The following ZDHHC14 variants were observed in gnomAD, a reference collection of about 807,000 sequenced individuals.
ZDHHC14 encodes zDHHC palmitoyltransferase 14.
In ZDHHC14, 16 loss-of-function variants were observed where a neutral mutation model predicts 47.7. The observed-to-expected ratio is 0.34, with a 90% CI of 0.23 to 0.51. The LOEUF (loss-of-function observed/expected upper bound fraction) is 0.51. Ranked by LOEUF, ZDHHC14 falls within the 20% of genes least tolerant of loss-of-function variation. The pLI is 0.97. For synonymous variants in ZDHHC14, 293 were observed against 278.9 expected (o/e 1.05, Z -0.50); for missense variants, 515 against 662.5 (o/e 0.78, Z 2.44).
At chr6:157,649,090 T>C (rs965785127) in intron 7 of ZDHHC14, among the ~76,000 whole-genome samples, 7 of 152,330 alleles carry the variant, frequency 4.6e-5, no homozygotes, top group Middle Eastern at 3.4e-3. Flanking sequence ...GGCTGTATCT[T>C]TTCCAAAATC....
intron 3 of ZDHHC14, among the ~76,000 whole-genome samples, chr6:157,610,020 CAG>C (rs1256575268): frequency 1.3e-5 from 2 of 152,230 alleles, no homozygotes; most frequent in East Asian, 3.8e-4. Flanking sequence ...AAGTTCATCA[CAG>C]AGGGGGCTGC....
At chr6:157,494,046 G>T (rs145801580) in intron 1 of ZDHHC14, among the ~76,000 whole-genome samples, 1 of 152,192 alleles carries the variant, frequency 6.6e-6, no homozygotes, top group Admixed American at 6.5e-5. Flanking sequence ...GGTCCTCCCC[G>T]CAGGAGCCCT....
intron 1 of ZDHHC14, among the ~76,000 whole-genome samples, chr6:157,404,484 C>T (rs1356197441): frequency 1.3e-5 from 2 of 152,192 alleles, no homozygotes; most frequent in Non-Finnish European, 2.9e-5. Context: ...TCAACTAATT[C>T]CTAGGGCCTT....
At position 157,582,241 on chromosome 6, in the gene ZDHHC14, G is replaced by C. The variant is rs1019490219; in HGVS notation, c.407-10747G>C. ...GGGTCATTTCCTATTTACATTCAAA[G>C]TTAGTATTGATATGTGCGGATTTGA... On this transcript the variant is annotated intron_variant, in intron 2 of 8. Coordinates refer to ENST00000359775, the MANE Select transcript of ZDHHC14 (RefSeq NM_024630.3). This position sits in a 1 kb window ranked among gnomAD's most constrained non-coding sequence, Gnocchi z 4.3. Among the ~76,000 whole-genome samples, 2 of 152,176 alleles carry C rather than the reference G, an allele frequency of 1.3e-5. No individual in the cohort carries two copies. Among genetic ancestry groups the C allele is most frequent in the African/African-American group, 4.8e-5 (2 of 41,450 alleles).
At position 157,675,455 on chromosome 6, in the gene ZDHHC14, T is replaced by C. The variant is rs1778954704; in HGVS notation, c.*2333T>C. On this transcript the variant is annotated 3_prime_UTR_variant, in exon 9 of 9. Transcript: ENST00000359775. ...CCTGGCACACACTTGGCATCATTTA[T>C]CCAATAGGGGACTGGGAATTTTGGT... The C allele has an allele frequency of 6.6e-6, 1 of 152,246 alleles. No homozygotes were observed. The highest frequency in any genetic ancestry group is 2.1e-4 in the South Asian group (1 of 4,832). The allele number at this position is 152,246 out of a possible 1,614,324, so 9.4% of individuals were successfully genotyped here.
At chr6:157,504,449 ATTTTTTTTTTT>A (rs35677570) in intron 1 of ZDHHC14, among the ~76,000 whole-genome samples, 2 of 96,498 alleles carry the variant, frequency 2.1e-5, no homozygotes, top group Non-Finnish European at 4.0e-5. Flanking sequence ...CACCCAGCCT[ATTTTTTTTTTT>A]TTTTTTTTTT....
intron 1 of ZDHHC14, among the ~76,000 whole-genome samples, chr6:157,507,813 T>A (rs1780366088): frequency 6.6e-6 from 1 of 152,172 alleles, no homozygotes; most frequent in Non-Finnish European, 1.5e-5. Flanking sequence ...GGAACATCCT[T>A]CCTGTTCCTG....
chr6:157,652,245 C>T (rs1310671285), intron 7 of ZDHHC14, among the ~76,000 whole-genome samples: 1 of 152,172 alleles, frequency 6.6e-6, no homozygotes, highest in Non-Finnish European at 1.5e-5. Context: ...CACTTGAAGA[C>T]CTGAAGGCAG....
At chr6:157,647,609 TAG>T (rs796793898) in intron 7 of ZDHHC14, among the ~76,000 whole-genome samples, 1 of 152,118 alleles carries the variant, frequency 6.6e-6, no homozygotes, top group African/African-American at 2.4e-5. Context: ...AAGCCCAAAA[TAG>T]AGAGACAGAT....
chr6:157,452,692 T>TG (rs1778830194), intron 1 of ZDHHC14, among the ~76,000 whole-genome samples: 1 of 37,792 alleles, frequency 2.6e-5, no homozygotes, highest in African/African-American at 8.3e-5. Context: ...ACATGGGGAT[T>TG]TTTTTTTTTT....
intron 1 of ZDHHC14, among the ~76,000 whole-genome samples, chr6:157,430,311 TAAA>T (rs67359917): frequency 1.0e-3 from 96 of 96,308 alleles, no homozygotes; most frequent in East Asian, 2.4e-3. Context: ...CAAGACTGTG[TAAA>T]AAAAAAAAAA....
intron 1 of ZDHHC14, among the ~76,000 whole-genome samples, chr6:157,435,342 A>G (rs931603614): frequency 2.0e-5 from 3 of 152,218 alleles, no homozygotes; most frequent in Admixed American, 6.5e-5. Flanking sequence ...GCTTGCACAC[A>G]TGGAGGGAGG....
intron 1 of ZDHHC14, among the ~76,000 whole-genome samples, chr6:157,486,650 G>T (rs1220928701): frequency 1.3e-5 from 2 of 152,170 alleles, no homozygotes; most frequent in African/African-American, 4.8e-5. Context: ...GAACAGGGTG[G>T]CAGAGGAAGC....
At position 157,405,071 on chromosome 6, in the gene ZDHHC14, G is replaced by A. The variant is rs548993236; in HGVS notation, c.245+22805G>A. Among the ~76,000 whole-genome samples, 24 of 151,054 alleles carry A rather than the reference G, an allele frequency of 1.6e-4. No individual in the cohort carries two copies. In the South Asian group the frequency reaches 4.8e-3, roughly 30 times the overall value. ...GTGGGTAAAGAGAAACAGGGCTGAA[G>A]CTCCCGTTTTATTTATTTTTTTCTG... On this transcript the variant is annotated intron_variant, in intron 1 of 8. Transcript: ENST00000359775.
At chr6:157,387,598 A>T (rs1358877212) in intron 1 of ZDHHC14, among the ~76,000 whole-genome samples, 1 of 152,222 alleles carries the variant, frequency 6.6e-6, no homozygotes, top group African/African-American at 2.4e-5. Context: ...AACATAGTAC[A>T]TGGAGCCAAG....
chr6:157,453,788 T>TTTTTTGTGTGTGTGTGTGTG (rs3220439), intron 1 of ZDHHC14, among the ~76,000 whole-genome samples: 17 of 148,196 alleles, frequency 1.1e-4, no homozygotes, highest in African/African-American at 4.3e-4. Flanking sequence ...TTTTTGTGTT[T>TTTTTTGTGTGTGTGTGTGTG]TGTGTGTGTG....
chr6:157,532,903 A>G (rs967453544), intron 1 of ZDHHC14, among the ~76,000 whole-genome samples: 1 of 152,206 alleles, frequency 6.6e-6, no homozygotes, highest in Non-Finnish European at 1.5e-5. Flanking sequence ...TTCGGCAATT[A>G]TCTTCTTTTT....
chr6:157,446,393 T>G (rs1196898409), intron 1 of ZDHHC14, among the ~76,000 whole-genome samples: 1 of 152,144 alleles, frequency 6.6e-6, no homozygotes, highest in Non-Finnish European at 1.5e-5. Context: ...TCTTCCTTTT[T>G]TTTTGGTTTT....
intron 5 of ZDHHC14, among the ~76,000 whole-genome samples, chr6:157,635,273 G>A (rs1441633989): frequency 6.6e-6 from 1 of 152,172 alleles, no homozygotes; most frequent in African/African-American, 2.4e-5. Flanking sequence ...GATTACAGGC[G>A]TGAGCTACCG....
Sources: gnomAD v4.1 joint callset for allele counts (sites outside exome capture counted in the v4.1 genomes callset) on GRCh38, gnomAD v4.1.1 for gene constraint, Gnocchi (gnomAD v3.1) non-coding constraint, MANE v1.5 for transcripts, NCBI Gene and HGNC (gene_info 2026-07-23, HGNC 2026-07-21) for gene names.